Variants in STK39 observed in about 807,000 individuals in gnomAD.
STK39 encodes the protein STE20/SPS1-related proline-alanine-rich protein kinase.
Under a neutral mutation model 77.8 loss-of-function variants are expected in STK39, and 20 were observed. The ratio of observed to expected loss-of-function variants is 0.26; its 90% CI spans 0.18 to 0.37. STK39 has a LOEUF of 0.37. STK39 is among the 10% of genes least tolerant of loss of function. The pLI is 1.00. For synonymous variants in STK39, 246 were observed against 234.1 expected, an observed-to-expected ratio of 1.05 and a Z score of -0.47; for missense variants, 479 against 656.5, an observed-to-expected ratio of 0.73 and a Z score of 2.95.
At chr2:168,125,155 T>TA (rs1166574335) in intron 10 of STK39, among the ~76,000 whole-genome samples, 1 of 151,276 alleles carries the variant, frequency 6.6e-6, no homozygotes, top group East Asian at 1.9e-4. Flanking sequence ...GAAACATGGG[T>TA]AAAAATAGCA....
chr2:168,027,896 T>C (rs942948324), intron 14 of STK39, among the ~76,000 whole-genome samples: 9 of 152,202 alleles, frequency 5.9e-5, no homozygotes, highest in African/African-American at 2.2e-4. Context: ...CAGCCTTTCA[T>C]GGAGAGATCT....
At chr2:168,196,442 C>T (rs899274428) in intron 1 of STK39, among the ~76,000 whole-genome samples, 1 of 152,214 alleles carries the variant, frequency 6.6e-6, no homozygotes, top group Admixed American at 6.5e-5. Flanking sequence ...GCAGGTGAAT[C>T]ACCTGAGGTC....
At chr2:167,990,954 C>A (rs1049275031) in intron 16 of STK39, among the ~76,000 whole-genome samples, 1 of 152,092 alleles carries the variant, frequency 6.6e-6, no homozygotes, top group African/African-American at 2.4e-5. Context: ...AAACAGAGCC[C>A]AAAGTGGCAA....
At chr2:168,043,833 ATTT>A (rs1279338628) in intron 14 of STK39, among the ~76,000 whole-genome samples, 1 of 152,170 alleles carries the variant, frequency 6.6e-6, no homozygotes, top group African/African-American at 2.4e-5. Flanking sequence ...TTTAATTTCC[ATTT>A]TTTATTTGCA....
At chr2:168,093,215 C>T (rs1214350836) in intron 10 of STK39, among the ~76,000 whole-genome samples, 1 of 152,186 alleles carries the variant, frequency 6.6e-6, no homozygotes, top group Non-Finnish European at 1.5e-5. Context: ...ACTCCCATTC[C>T]CATGAAAACC....
intron 16 of STK39, among the ~76,000 whole-genome samples, chr2:168,010,596 T>C (rs751984234): frequency 6.6e-6 from 1 of 152,252 alleles, no homozygotes; most frequent in Non-Finnish European, 1.5e-5. Flanking sequence ...GTTAAGTCAC[T>C]TTCCTTTAAA....
intron 16 of STK39, among the ~76,000 whole-genome samples, chr2:167,987,300 T>A (rs962817536): frequency 6.6e-6 from 1 of 152,126 alleles, no homozygotes; most frequent in South Asian, 2.1e-4. Flanking sequence ...GAAGAGGATT[T>A]ACAGATTTAG....
At chr2:167,965,536 G>A (rs773666590) in intron 16 of STK39, among the ~76,000 whole-genome samples, 2 of 152,108 alleles carry the variant, frequency 1.3e-5, no homozygotes, top group African/African-American at 2.4e-5. Flanking sequence ...CTAATGAACA[G>A]AATTATCAAA....
At chr2:167,966,018 A>G (rs1045875476) in intron 16 of STK39, among the ~76,000 whole-genome samples, 1 of 152,200 alleles carries the variant, frequency 6.6e-6, no homozygotes, top group Admixed American at 6.6e-5. Context: ...AATTGCAAGC[A>G]TCATTTTATC....
At chr2:168,225,472 T>C (rs1690280274) in intron 1 of STK39, among the ~76,000 whole-genome samples, 3 of 152,146 alleles carry the variant, frequency 2.0e-5, no homozygotes, top group South Asian at 2.1e-4. Context: ...AACTACTTCA[T>C]AGTACTTTAA....
At chr2:168,226,299 AC>A (rs1476064235) in intron 1 of STK39, among the ~76,000 whole-genome samples, 1 of 126,218 alleles carries the variant, frequency 7.9e-6, no homozygotes, top group Non-Finnish European at 1.9e-5. Flanking sequence ...GAGACCCTCA[AC>A]TTTTCCAGGA....
chr2:168,191,367 A>G (rs1030073287), intron 1 of STK39, among the ~76,000 whole-genome samples: 2 of 152,132 alleles, frequency 1.3e-5, no homozygotes, highest in African/African-American at 2.4e-5. Context: ...AAAGGTTATT[A>G]GCATATCCAC....
At chr2:168,220,618 T>C (rs1251003481) in intron 1 of STK39, among the ~76,000 whole-genome samples, 1 of 152,080 alleles carries the variant, frequency 6.6e-6, no homozygotes, top group Admixed American at 6.6e-5. Context: ...CCAAAAGAGA[T>C]GTCAAAATCA....
At chr2:168,179,111 G>A (rs955694649) in intron 2 of STK39, among the ~76,000 whole-genome samples, 4 of 152,112 alleles carry the variant, frequency 2.6e-5, no homozygotes, top group Admixed American at 6.5e-5. Context: ...AGTGGCCATT[G>A]TTTCTTCTAG....
chr2:168,031,715 G>A (rs1684837585), intron 14 of STK39, among the ~76,000 whole-genome samples: 1 of 152,198 alleles, frequency 6.6e-6, no homozygotes, highest in African/African-American at 2.4e-5. Flanking sequence ...AAGCCATAGA[G>A]AGAGACTTCA....
intron 1 of STK39, among the ~76,000 whole-genome samples, chr2:168,206,599 C>G (rs1458285355): frequency 6.6e-6 from 1 of 152,192 alleles, no homozygotes; most frequent in Non-Finnish European, 1.5e-5. Context: ...CCACGCCCGG[C>G]TGAGATCTAG....
At chr2:168,036,151 T>C (rs80172734) in intron 14 of STK39, among the ~76,000 whole-genome samples, 5,481 of 152,214 alleles carry the variant, frequency 0.036, 341 homozygotes, top group African/African-American at 0.12. Context: ...CTCAATATAT[T>C]TTTCTCTGGG....
chr2:168,159,030 G>C (rs1301587873), intron 5 of STK39, among the ~76,000 whole-genome samples: 1 of 151,860 alleles, frequency 6.6e-6, no homozygotes, highest in Admixed American at 6.6e-5. Flanking sequence ...CTGAAAAAGG[G>C]AATTTATACA....
intron 16 of STK39, among the ~76,000 whole-genome samples, chr2:167,988,760 C>T (rs1683624083): frequency 6.6e-6 from 1 of 151,966 alleles, no homozygotes; most frequent in East Asian, 1.9e-4. Flanking sequence ...AGATCATTAC[C>T]ACAGTTAAAC....
Sources: allele counts gnomAD v4.1 joint callset (sites outside exome capture counted in the v4.1 genomes callset), GRCh38; gene constraint gnomAD v4.1.1; transcripts MANE v1.5; gene names NCBI Gene and HGNC (gene_info 2026-07-23, HGNC 2026-07-21).